PCDH7: variants seen among roughly 807,000 people sequenced by gnomAD.
PCDH7 encodes protocadherin 7.
Under a neutral mutation model 58.9 loss-of-function variants are expected in PCDH7, and 17 were observed. The ratio of observed to expected loss-of-function variants is 0.29; its 90% CI spans 0.20 to 0.43. The LOEUF is 0.43. PCDH7 is among the 20% of genes least tolerant of loss of function. The pLI is 1.00. For synonymous variants in PCDH7, 664 were observed against 616.4 expected, an observed-to-expected ratio of 1.08 and a Z score of -1.14; for missense variants, 1,274 against 1,441.0, an observed-to-expected ratio of 0.88 and a Z score of 1.88.
chr4:31,105,335 G>T (rs866633347), intron 3 of PCDH7, among the ~76,000 whole-genome samples: 65 of 152,166 alleles, frequency 4.3e-4, no homozygotes, highest in African/African-American at 1.5e-3. Flanking sequence ...TTAACATAAT[G>T]CATGTGAATG....
chr4:30,816,221 G>C (rs950641801), intron 1 of PCDH7, among the ~76,000 whole-genome samples: 2 of 151,806 alleles, frequency 1.3e-5, no homozygotes, highest in African/African-American at 4.8e-5. Flanking sequence ...ATATTGTACT[G>C]TACATATTTA....
intron 3 of PCDH7, among the ~76,000 whole-genome samples, chr4:31,047,246 C>A (rs1370316137): frequency 6.6e-6 from 1 of 152,040 alleles, no homozygotes; most frequent in Non-Finnish European, 1.5e-5. Flanking sequence ...GTGGATTTCT[C>A]CTCAGCTGCT....
chr4:30,936,432 T>C (rs1560516130), intron 2 of PCDH7, among the ~76,000 whole-genome samples: 3 of 152,086 alleles, frequency 2.0e-5, no homozygotes, highest in Non-Finnish European at 2.9e-5. Flanking sequence ...ATTATAATTA[T>C]TTATATTTTA....
At chr4:30,850,133 T>C (rs1732533593) in intron 1 of PCDH7, among the ~76,000 whole-genome samples, 1 of 152,168 alleles carries the variant, frequency 6.6e-6, no homozygotes, top group African/African-American at 2.4e-5. Flanking sequence ...ATTCGTATTT[T>C]ATTACAAGTA....
chr4:30,996,070 C>T (rs892421211), intron 3 of PCDH7, among the ~76,000 whole-genome samples: 4 of 152,108 alleles, frequency 2.6e-5, no homozygotes, highest in Non-Finnish European at 4.4e-5. Flanking sequence ...ATATTCACAT[C>T]GAATTAAATA....
chr4:31,064,155 T>C (rs1424249178), intron 3 of PCDH7, among the ~76,000 whole-genome samples: 1 of 152,004 alleles, frequency 6.6e-6, no homozygotes, highest in African/African-American at 2.4e-5. Flanking sequence ...TTTTTAAAAA[T>C]TTAGATTGCC....
intron 1 of PCDH7, among the ~76,000 whole-genome samples, chr4:30,881,224 G>A (rs971840761): frequency 2.6e-5 from 4 of 152,006 alleles, no homozygotes; most frequent in African/African-American, 9.7e-5. Context: ...GAGACAAGGA[G>A]TAGGACAGGA....
At chr4:31,052,327 T>C (rs28489766) in intron 3 of PCDH7, among the ~76,000 whole-genome samples, 5,073 of 152,172 alleles carry the variant, frequency 0.033, 255 homozygotes, top group African/African-American at 0.11. Context: ...AGTAGTAATA[T>C]CATCCACACC....
At chr4:30,760,246 G>A (rs1036247419) in intron 1 of PCDH7, among the ~76,000 whole-genome samples, 6 of 152,194 alleles carry the variant, frequency 3.9e-5, no homozygotes, top group African/African-American at 1.2e-4. Flanking sequence ...GAAGTAGAGA[G>A]GAGCAGGGGA....
chr4:30,743,610 T>C (rs764368469), intron 1 of PCDH7, among the ~76,000 whole-genome samples: 2 of 127,978 alleles, frequency 1.6e-5, no homozygotes, highest in Non-Finnish European at 3.6e-5. Context: ...CATTTTCTCC[T>C]AAACTTATAG....
At chr4:30,866,780 A>G (rs1734935128) in intron 1 of PCDH7, among the ~76,000 whole-genome samples, 2 of 152,106 alleles carry the variant, frequency 1.3e-5, no homozygotes, top group African/African-American at 4.8e-5. Context: ...GGAATAAGAC[A>G]ATCGTTTACA....
chr4:30,864,116 C>CTT (rs36090621), intron 1 of PCDH7, among the ~76,000 whole-genome samples: 1 of 150,972 alleles, frequency 6.6e-6, no homozygotes, highest in Non-Finnish European at 1.5e-5. Flanking sequence ...AAGACCATCT[C>CTT]TTTTTTTTTG....
chr4:30,752,783 C>CAAAAAAAAAAA (rs35860745), intron 1 of PCDH7, among the ~76,000 whole-genome samples: 16 of 99,526 alleles, frequency 1.6e-4, no homozygotes, highest in Non-Finnish European at 2.6e-4. Context: ...CCTGTAGGGG[C>CAAAAAAAAAAA]AAAAAAAAAA....
intron 3 of PCDH7, among the ~76,000 whole-genome samples, chr4:30,982,284 G>A (rs1454426196): frequency 6.6e-6 from 1 of 152,094 alleles, no homozygotes; most frequent in Non-Finnish European, 1.5e-5. Context: ...TTAGGAGGAG[G>A]CATTCTCTAG....
intron 3 of PCDH7, among the ~76,000 whole-genome samples, chr4:31,139,408 T>C (rs76036950): frequency 6.6e-6 from 1 of 152,194 alleles, no homozygotes; most frequent in Non-Finnish European, 1.5e-5. Context: ...CATAAAATAA[T>C]GTTCTTAGAT....
At chr4:30,878,294 T>C (rs1461571959) in intron 1 of PCDH7, among the ~76,000 whole-genome samples, 1 of 152,088 alleles carries the variant, frequency 6.6e-6, no homozygotes, top group Non-Finnish European at 1.5e-5. Flanking sequence ...TTCTGGACTG[T>C]TGGAAGCATG....
At chr4:30,900,766 C>T (rs1578221867) in intron 1 of PCDH7, among the ~76,000 whole-genome samples, 3 of 152,208 alleles carry the variant, frequency 2.0e-5, no homozygotes, top group East Asian at 1.9e-4. Flanking sequence ...CTAGTGATGG[C>T]ATTATATATG....
At chr4:30,876,392 G>A (rs542893226) in intron 1 of PCDH7, among the ~76,000 whole-genome samples, 161 of 152,120 alleles carry the variant, frequency 1.1e-3, no homozygotes, top group African/African-American at 3.6e-3. Flanking sequence ...TTAAGATCAA[G>A]AAAAGTTTTC....
chr4:30,774,332 G>A lies in PCDH7; in HGVS notation c.70+49736G>A, dbSNP rs530678826. Among the ~76,000 whole-genome samples, 4 of 152,262 alleles carry A rather than the reference G, an allele frequency of 2.6e-5. No homozygotes were observed. In the East Asian group the frequency reaches 7.7e-4, roughly 29 times the overall value. On this transcript the variant is annotated intron_variant, in intron 1 of 3. Coordinates refer to the PCDH7 transcript ENST00000509759. The stretch of plus-strand genomic sequence containing the variant: ...TTAGTGAACCAAAACCACACTCCAT[G>A]CCTCTTAACTCTTAGGCCTAGCTTT...
Sources: gnomAD v4.1 joint callset for allele counts (sites outside exome capture counted in the v4.1 genomes callset) on GRCh38, gnomAD v4.1.1 for gene constraint, MANE v1.5 for transcripts, NCBI Gene and HGNC (gene_info 2026-07-23, HGNC 2026-07-21) for gene names.